LYRM7: variants seen among roughly 807,000 people sequenced by gnomAD.
LYRM7 encodes the protein LYR motif containing 7.
A neutral mutation model predicts 15.8 loss-of-function variants in LYRM7; 9 were observed. That is an observed-to-expected ratio of 0.57 (90% CI 0.34 to 0.99). The LOEUF is 0.99. Among genes scored for constraint, LYRM7 ranks in the 50% least tolerant of loss-of-function variants. The probability of loss-of-function intolerance (pLI) is 0.02; values close to 1 mark genes in which losing one functional copy is unlikely to be tolerated. For synonymous variants in LYRM7, 39 were observed against 39.4 expected, an observed-to-expected ratio of 0.99 and a Z score of 0.04; for missense variants, 115 against 119.1, an observed-to-expected ratio of 0.97 and a Z score of 0.16.
In LYRM7 at chr5:131,203,121, A is replaced by G. The variant is rs989712890; in HGVS notation, c.*3520A>G. ...AGCACATAATTTAACCATAAACACA[A>G]AGCCATAGGTCAACAAAGAAATGAA... On this transcript the variant is annotated 3_prime_UTR_variant, in exon 5 of 5. Coordinates refer to ENST00000379380, the MANE Select transcript of LYRM7 (RefSeq NM_181705.4). The G allele has an allele frequency of 4.6e-5, 7 of 152,366 alleles. No individual in the cohort carries two copies. The highest frequency in any genetic ancestry group is 1.7e-4 in the African/African-American group (7 of 41,464). The allele number at this position is 152,366 out of a possible 1,614,324, so 9.4% of individuals were successfully genotyped here.
intron 1 of LYRM7, among the ~76,000 whole-genome samples, chr5:131,175,035 T>C (rs1007926510): frequency 1.3e-5 from 2 of 152,088 alleles, no homozygotes; most frequent in African/African-American, 4.8e-5. Context: ...TCTGAGCAGA[T>C]CTCAACAGTG....
intron 4 of LYRM7, among the ~76,000 whole-genome samples, chr5:131,198,133 C>T (rs550472101): frequency 1.3e-5 from 2 of 152,056 alleles, no homozygotes; most frequent in South Asian, 2.1e-4. Flanking sequence ...GGGTCTAGAT[C>T]TCCTGGAGAA....
chr5:131,195,074 C>G (rs1288157063), intron 4 of LYRM7, among the ~76,000 whole-genome samples: 1 of 152,054 alleles, frequency 6.6e-6, no homozygotes, highest in South Asian at 2.1e-4. Flanking sequence ...GACCAGCCCC[C>G]TGGCCAACAT....
At chr5:131,181,697 A>G (rs1364316264) in intron 2 of LYRM7, among the ~76,000 whole-genome samples, 9 of 151,792 alleles carry the variant, frequency 5.9e-5, no homozygotes, top group African/African-American at 9.7e-5. Flanking sequence ...GTATGCTGCT[A>G]TAATGATATC....
chr5:131,172,695 C>A (rs1460955772), intron 1 of LYRM7, among the ~76,000 whole-genome samples: 2 of 151,826 alleles, frequency 1.3e-5, no homozygotes, highest in African/African-American at 4.8e-5. Flanking sequence ...CAAGATCCTA[C>A]GTCCAAAAAA....
intron 4 of LYRM7, among the ~76,000 whole-genome samples, chr5:131,190,155 GA>G (rs907304581): frequency 6.1e-5 from 9 of 148,032 alleles, no homozygotes; most frequent in Non-Finnish European, 8.9e-5. Flanking sequence ...AAAAAGAAAA[GA>G]AAAAAAAAGA....
intron 4 of LYRM7, among the ~76,000 whole-genome samples, chr5:131,197,538 T>C (rs771112778): frequency 1.5e-4 from 19 of 124,094 alleles, no homozygotes; most frequent in African/African-American, 5.9e-4. Flanking sequence ...TGTTGTCTTC[T>C]GTCTTTTTTT....
chr5:131,171,132 C>A, intron 1 of LYRM7, 94 bp downstream of exon 1: 3 of 1,272,502 alleles, frequency 2.4e-6, no homozygotes, highest in East Asian at 3.0e-5. Flanking sequence ...GAGGCTGGGG[C>A]TCCTGACCCT....
intron 4 of LYRM7, among the ~76,000 whole-genome samples, chr5:131,193,419 A>G (rs1214168840): frequency 6.6e-6 from 1 of 152,262 alleles, no homozygotes; most frequent in East Asian, 1.9e-4. Flanking sequence ...AAGCAGAGCT[A>G]CAGATCCAAA....
chr5:131,196,932 A>C (rs1426196246), intron 4 of LYRM7, among the ~76,000 whole-genome samples: 1 of 152,186 alleles, frequency 6.6e-6, no homozygotes, highest in Non-Finnish European at 1.5e-5. Flanking sequence ...CTGTGATTAC[A>C]AGCATGAGCC....
intron 4 of LYRM7, among the ~76,000 whole-genome samples, chr5:131,195,546 TTCCAGACAA>T (rs976896388): frequency 2.2e-4 from 33 of 152,318 alleles, no homozygotes; most frequent in Non-Finnish European, 2.9e-5. Context: ...TTTCTCATTC[TTCCAGACAA>T]AGATTAGATA....
intron 1 of LYRM7, among the ~76,000 whole-genome samples, chr5:131,177,114 T>G (rs1454849947): frequency 6.6e-6 from 1 of 152,188 alleles, no homozygotes; most frequent in East Asian, 1.9e-4. Context: ...CTTTTAAAAA[T>G]TATTACTTTT....
chr5:131,180,482 C>G (rs1755673916), intron 2 of LYRM7, among the ~76,000 whole-genome samples: 1 of 152,128 alleles, frequency 6.6e-6, no homozygotes, highest in African/African-American at 2.4e-5. Flanking sequence ...TTCACAGTCT[C>G]TAGGACCAGA....
intron 1 of LYRM7, among the ~76,000 whole-genome samples, chr5:131,178,911 G>A (rs1477549099): frequency 2.9e-5 from 4 of 139,246 alleles, no homozygotes. Flanking sequence ...GCAGTGAGCC[G>A]AGATTGTGTC....
intron 3 of LYRM7, among the ~76,000 whole-genome samples, chr5:131,183,539 A>G (rs1486028725): frequency 2.6e-5 from 4 of 152,210 alleles, no homozygotes; most frequent in Non-Finnish European, 5.9e-5. Flanking sequence ...TTACTTACAG[A>G]GCATTAATTT....
chr5:131,184,522 C>T (rs1444578631), intron 3 of LYRM7, among the ~76,000 whole-genome samples: 6 of 152,000 alleles, frequency 3.9e-5, no homozygotes, highest in Non-Finnish European at 7.4e-5. Context: ...TTTAATACTA[C>T]GCCTTGACAT....
At chr5:131,193,587 T>C (rs1227798486) in intron 4 of LYRM7, among the ~76,000 whole-genome samples, 1 of 152,258 alleles carries the variant, frequency 6.6e-6, no homozygotes, top group Non-Finnish European at 1.5e-5. Flanking sequence ...CTTTAAATTA[T>C]TTGGATTCCA....
intron 3 of LYRM7, among the ~76,000 whole-genome samples, chr5:131,185,031 TC>T (rs1427812164): frequency 6.6e-6 from 1 of 152,094 alleles, no homozygotes; most frequent in Non-Finnish European, 1.5e-5. Flanking sequence ...CTTCTTATCC[TC>T]CCTGTAATTA....
chr5:131,180,226 T>C (rs956754095), intron 2 of LYRM7, 59 bp downstream of exon 2: 3 of 1,199,720 alleles, frequency 2.5e-6, no homozygotes, highest in African/African-American at 3.0e-5. Flanking sequence ...TACTAATCTC[T>C]CTGAGAAACC....
Sources: allele counts gnomAD v4.1 joint callset (sites outside exome capture counted in the v4.1 genomes callset), GRCh38; gene constraint gnomAD v4.1.1; transcripts MANE v1.5; gene names NCBI Gene and HGNC (gene_info 2026-07-23, HGNC 2026-07-21).